The following SLC35E2B variants were observed in gnomAD, a reference collection of about 807,000 sequenced individuals.
SLC35E2B encodes solute carrier family 35 member E2B.
SLC35E2B carries 18 observed loss-of-function variants against 32.4 expected under a neutral mutation model. The ratio of observed to expected loss-of-function variants is 0.56; its 90% CI spans 0.38 to 0.82. The LOEUF (loss-of-function observed/expected upper bound fraction) is 0.82. SLC35E2B is among the 40% of genes least tolerant of loss of function. SLC35E2B has a pLI of 0.00. For synonymous variants in SLC35E2B, 132 were observed against 209.1 expected (o/e 0.63, Z 3.18); for missense variants, 263 against 469.5 (o/e 0.56, Z 4.06).
At chr1:1,666,129 T>G (rs964368169) in intron 9 of SLC35E2B, 110 bp from the exon 10 acceptor site, 1 of 1,287,860 alleles carries the variant, frequency 7.8e-7, no homozygotes, top group Non-Finnish European at 1.1e-6. Flanking sequence ...GTTGGGGGAC[T>G]CAGCGTCACG....
At chr1:1,689,489 A>C (rs1367978871) in intron 2 of SLC35E2B, among the ~76,000 whole-genome samples, 3 of 151,590 alleles carry the variant, frequency 2.0e-5, no homozygotes, top group Non-Finnish European at 3.0e-5. Flanking sequence ...CAGCAGGGTC[A>C]CGATTCGAAC....
At position 1,664,025 on chromosome 1, in the gene SLC35E2B, A is replaced by C. The variant is rs1455261843; in HGVS notation, c.*1757T>G. 1 of 225,680 alleles carries C rather than the reference A, an allele frequency of 4.4e-6. No individual in the cohort carries two copies. Among genetic ancestry groups the C allele is most frequent in the African/African-American group, 2.3e-5 (1 of 42,942 alleles). 14.0% of individuals were successfully genotyped at this position (225,680 alleles called of 1,614,324 possible). On this transcript the variant is annotated 3_prime_UTR_variant, in exon 10 of 10. Coordinates refer to ENST00000617444, the MANE Select transcript of SLC35E2B (RefSeq NM_001290264.2). ...GGGCAACAAAGCGAGAGCCCAGCTC[A>C]ACAAAAAAATAGCCAGGCATGGTGG...
chr1:1,688,947 G>C (rs549387560), intron 2 of SLC35E2B, among the ~76,000 whole-genome samples: 1 of 151,920 alleles, frequency 6.6e-6, no homozygotes, highest in South Asian at 2.1e-4. Flanking sequence ...CGAGGTGGGC[G>C]CATCACGAGG....
At chr1:1,679,094 T>C (rs1643878107) in intron 2 of SLC35E2B, among the ~76,000 whole-genome samples, 1 of 152,110 alleles carries the variant, frequency 6.6e-6, no homozygotes, top group Non-Finnish European at 1.5e-5. Flanking sequence ...CTGGGGACGC[T>C]GTCACAGCAC....
chr1:1,678,470 G>A (rs1422315562), intron 2 of SLC35E2B, among the ~76,000 whole-genome samples: 1 of 151,986 alleles, frequency 6.6e-6, no homozygotes, highest in African/African-American at 2.4e-5. Flanking sequence ...CCCCTGCTGT[G>A]TGTGTCTGTG....
chr1:1,680,151 T>C (rs897942301), intron 2 of SLC35E2B, among the ~76,000 whole-genome samples: 1 of 151,024 alleles, frequency 6.6e-6, no homozygotes, highest in Non-Finnish European at 1.5e-5. Context: ...TTTTTTTTAA[T>C]GTAGCCGGGC....
At chr1:1,690,074 G>A (rs1458454497) in intron 2 of SLC35E2B, among the ~76,000 whole-genome samples, 2 of 150,484 alleles carry the variant, frequency 1.3e-5, no homozygotes. Context: ...CTGAGGTTGG[G>A]AGTTCCAGAT....
At chr1:1,670,011 G>A in intron 7 of SLC35E2B, 87 bp downstream of exon 7, 1 of 1,236,250 alleles carries the variant, frequency 8.1e-7, no homozygotes, top group Admixed American at 2.0e-5. Flanking sequence ...AAGGGAGTCA[G>A]GCCTGTGGGG....
intron 5 of SLC35E2B, 69 bp from the exon 6 acceptor site, chr1:1,671,698 G>C: frequency 2.9e-6 from 4 of 1,387,658 alleles, no homozygotes; most frequent in Non-Finnish European, 3.8e-6. Context: ...GGGCCAGGCT[G>C]TTTCCATCCC....
chr1:1,674,738 A>G (rs1181736950), intron 5 of SLC35E2B, among the ~76,000 whole-genome samples: 1 of 150,968 alleles, frequency 6.6e-6, no homozygotes, highest in Non-Finnish European at 1.5e-5. Flanking sequence ...GGGCAAGCCC[A>G]ACCCCATCCT....
intron 2 of SLC35E2B, among the ~76,000 whole-genome samples, chr1:1,683,965 G>T (rs1557764735): frequency 6.6e-6 from 1 of 152,172 alleles, no homozygotes; most frequent in African/African-American, 2.4e-5. Flanking sequence ...CCACAAAGTT[G>T]TAAGTCAAAC....
In SLC35E2B at chr1:1,675,470, C is replaced by G; in HGVS notation, c.579G>C (p.Glu193Asp). The G allele has an allele frequency of 6.2e-7, 1 of 1,611,200 alleles. No homozygotes were observed. The highest frequency in any genetic ancestry group is 8.5e-7 in the Non-Finnish European group (1 of 1,179,068). ...GGGGCCCGGGGGCCTCACCTGTGTA[C>G]TCCCCCAGAATCATCCGAGACATGA... ...TVIMSRMILG[E>D]YTGLLVNLSL... The change falls in exon 5 of 10, where the codon GAG becomes GAC. Residue 193 changes from glutamate (E) to aspartate (D), a missense_variant. Glu to Asp is a conservative substitution (Grantham distance 45). Transcript: ENST00000617444.
Position 1,665,106 on chromosome 1 carries a change from G to T in SLC35E2B, c.*676C>A. On this transcript the variant is annotated 3_prime_UTR_variant, in exon 10 of 10. Transcript: ENST00000617444. ...GGATAGGAGGGCAGGGTGTGGAAGA[G>T]GTAGGGGGCCTTCCTCTAAACAGAA... is the stretch of plus-strand genomic sequence containing the variant. 3.8e-6 allele frequency: 1 copy of T among 265,602 alleles called. No individual in the cohort carries two copies. Among genetic ancestry groups the T allele is most frequent in the Non-Finnish European group, 5.8e-6 (1 of 171,638 alleles). 16.5% of individuals were successfully genotyped at this position (265,602 alleles called of 1,614,324 possible).
At chr1:1,666,715 C>G (rs1334493409) in intron 9 of SLC35E2B, among the ~76,000 whole-genome samples, 1 of 150,388 alleles carries the variant, frequency 6.6e-6, no homozygotes, top group African/African-American at 2.5e-5. Context: ...GGGGCTCATG[C>G]TTGTAACCCC....
At chr1:1,674,740 C>A (rs1481448415) in intron 5 of SLC35E2B, among the ~76,000 whole-genome samples, 2 of 152,082 alleles carry the variant, frequency 1.3e-5, no homozygotes, top group Non-Finnish European at 2.9e-5. Flanking sequence ...GCAAGCCCAA[C>A]CCCATCCTGG....
Position 1,671,534 on chromosome 1 carries a change from C to A in SLC35E2B, c.682G>T (p.Ala228Ser), listed in dbSNP as rs923619381. ...ISFNVLGFSA[A>S]LSTNIMDCLQ... ...CAGTCCATGATGTTGGTGGACAGTG[C>A]GGCCGAGAACCCCAGGACATTGAAG... The change falls in exon 6 of 10, where the codon GCA becomes TCA. Residue 228 changes from alanine to serine, a missense_variant. By Grantham distance (99) the Ala-to-Ser change is moderately conservative (BLOSUM62 1). This residue lies in a region of SLC35E2B where 129 missense variants were observed against 164.5 expected (regional missense o/e 0.78). Coordinates refer to ENST00000617444, the MANE Select transcript of SLC35E2B (RefSeq NM_001290264.2). 1 of 1,547,652 alleles carries A rather than the reference C, an allele frequency of 6.5e-7. No individual in the cohort carries two copies. Among genetic ancestry groups the A allele is most frequent in the African/African-American group, 1.4e-5 (1 of 72,810 alleles).
chr1:1,692,778 T>C lies in SLC35E2B; in HGVS notation c.-895A>G. On this transcript the variant is annotated 5_prime_UTR_variant, in exon 1 of 10. Coordinates refer to ENST00000617444, the MANE Select transcript of SLC35E2B (RefSeq NM_001290264.2). ...CAACGCCCCCGCGGCTGCCCGTTGG[T>C]TCCGCCCGGGCCGTTCTACTCCAGG... 1 of 984,364 alleles carries C rather than the reference T, an allele frequency of 1.0e-6. No individual in the cohort carries two copies. The highest frequency in any genetic ancestry group is 1.2e-6 in the Non-Finnish European group (1 of 829,400). 61.0% of individuals were successfully genotyped at this position (984,364 alleles called of 1,614,324 possible). A position where few individuals can be genotyped will look rare whatever the true frequency, so the allele number is the denominator to read the frequency against.
chr1:1,682,315 G>A (rs1017169192), intron 2 of SLC35E2B, among the ~76,000 whole-genome samples: 9 of 152,124 alleles, frequency 5.9e-5, no homozygotes, highest in Non-Finnish European at 1.2e-4. Flanking sequence ...CTTGGAGGTG[G>A]GTGTTTAATG....
chr1:1,687,402 C>T (rs1199167905), intron 2 of SLC35E2B, among the ~76,000 whole-genome samples: 1 of 151,994 alleles, frequency 6.6e-6, no homozygotes, highest in Non-Finnish European at 1.5e-5. Flanking sequence ...TGTGGCGAAA[C>T]CCTGTCTCTA....
Sources: gnomAD v4.1 joint callset for allele counts (sites outside exome capture counted in the v4.1 genomes callset) on GRCh38, gnomAD v4.1.1 for gene constraint, gnomAD v4.1.1 regional missense constraint, MANE v1.5 for transcripts, NCBI Gene and HGNC (gene_info 2026-07-23, HGNC 2026-07-21) for gene names.